Variants in SERPINE3 observed in about 807,000 individuals in gnomAD.
The protein encoded by SERPINE3 is serpin E3.
In SERPINE3, 43 loss-of-function variants were observed where a neutral mutation model predicts 41.7. That is an observed-to-expected ratio of 1.03 (90% CI 0.81 to 1.33). SERPINE3 has a LOEUF of 1.33. SERPINE3 is among the 40% of genes most tolerant of loss of function. The pLI is 0.00. For synonymous variants in SERPINE3, 200 were observed against 192.2 expected, an observed-to-expected ratio of 1.04 and a Z score of -0.34; for missense variants, 440 against 491.7, an observed-to-expected ratio of 0.89 and a Z score of 0.99.
intron 9 of SERPINE3, chr13:51,362,527 T>C (rs1955602277): frequency 6.6e-6 from 1 of 152,610 alleles, no homozygotes; most frequent in Admixed American, 6.6e-5. Context: ...CTTAATGTTC[T>C]TCCTCCCCCA....
chr13:51,353,550 A>G (rs1441066112), intron 6 of SERPINE3, among the ~76,000 whole-genome samples: 1 of 152,238 alleles, frequency 6.6e-6, no homozygotes, highest in African/African-American at 2.4e-5. Flanking sequence ...TCCCAAGTCC[A>G]TGCTCATAAC....
chr13:51,363,218 C>T (rs966823531), intron 9 of SERPINE3: 2 of 151,920 alleles, frequency 1.3e-5, no homozygotes, highest in Non-Finnish European at 2.9e-5. Flanking sequence ...GGAAAAGACA[C>T]ACCACTATTT....
At chr13:51,340,992 G>C in intron 2 of SERPINE3, 83 bp from the exon 3 acceptor site, 1 of 1,386,894 alleles carries the variant, frequency 7.2e-7, no homozygotes, top group Non-Finnish European at 9.9e-7. Flanking sequence ...AACAGAGCTG[G>C]GGGTCCCAGT....
intron 6 of SERPINE3, among the ~76,000 whole-genome samples, chr13:51,352,434 G>A (rs1955413865): frequency 6.6e-6 from 1 of 151,134 alleles, no homozygotes; most frequent in Non-Finnish European, 1.5e-5. Flanking sequence ...AATCTTGTAT[G>A]CTGTACCTTA....
chr13:51,352,482 T>C (rs1163873896), intron 6 of SERPINE3, among the ~76,000 whole-genome samples: 1 of 151,934 alleles, frequency 6.6e-6, no homozygotes, highest in Non-Finnish European at 1.5e-5. Flanking sequence ...TTTTTTTTTG[T>C]GTGTGTGGAT....
chr13:51,343,191 G>A (rs1955311257), intron 3 of SERPINE3, among the ~76,000 whole-genome samples: 1 of 152,168 alleles, frequency 6.6e-6, no homozygotes, highest in Non-Finnish European at 1.5e-5. Context: ...AAAACCAGCC[G>A]GAGCCAGGTA....
chr13:51,361,731 TTAAC>T lies in SERPINE3; in HGVS notation c.1088-77_1088-74del, dbSNP rs1431711627. 6 of 1,281,912 alleles carry T rather than the reference TTAAC, an allele frequency of 4.7e-6. No individual in the cohort carries two copies. In the East Asian group the frequency reaches 1.2e-4, roughly 26 times the overall value. 79.4% of individuals were successfully genotyped at this position (1,281,912 alleles called of 1,614,324 possible). ...TAGGATGCTTTGATTTCTTAAAAAA[TTAAC>T]TTACTTCATAACCAATAGTTATTTT... On this transcript the variant is annotated intron_variant, in intron 8 of 9. Coordinates refer to ENST00000681248, the MANE Select transcript of SERPINE3 (RefSeq NM_001386375.1).
At chr13:51,351,065 C>T (rs1416972154) in intron 6 of SERPINE3, among the ~76,000 whole-genome samples, 1 of 152,028 alleles carries the variant, frequency 6.6e-6, no homozygotes, top group African/African-American at 2.4e-5. Flanking sequence ...ATTTGAGTGC[C>T]TAGACACATT....
chr13:51,341,001 G>A, intron 2 of SERPINE3, 74 bp from the exon 3 acceptor site: 1 of 1,458,408 alleles, frequency 6.9e-7, no homozygotes, highest in Non-Finnish European at 9.4e-7. Flanking sequence ...GGGGGTCCCA[G>A]TCCTCTGTGG....
intron 7 of SERPINE3, among the ~76,000 whole-genome samples, chr13:51,356,399 CTA>C (rs1256619491): frequency 6.6e-5 from 10 of 152,234 alleles, no homozygotes; most frequent in African/African-American, 1.2e-4. Flanking sequence ...TAAGAGAATT[CTA>C]TGTTTGATAA....
chr13:51,356,333 A>G (rs565706082), intron 7 of SERPINE3, among the ~76,000 whole-genome samples: 1 of 152,170 alleles, frequency 6.6e-6, no homozygotes, highest in Non-Finnish European at 1.5e-5. Flanking sequence ...CAAGCAAAGG[A>G]GGAATACTGA....
At chr13:51,343,784 A>G (rs1955317578) in intron 3 of SERPINE3, among the ~76,000 whole-genome samples, 1 of 152,206 alleles carries the variant, frequency 6.6e-6, no homozygotes, top group African/African-American at 2.4e-5. Context: ...CGTACAAGAC[A>G]TATTGACAGC....
intron 1 of SERPINE3, among the ~76,000 whole-genome samples, chr13:51,340,115 G>C (rs1418312832): frequency 6.6e-6 from 1 of 152,220 alleles, no homozygotes; most frequent in Non-Finnish European, 1.5e-5. Context: ...GAGTTGGAGA[G>C]AGTGAGTGTG....
At chr13:51,364,166 T>A in intron 9 of SERPINE3, 73 bp from the exon 10 acceptor site, 1 of 695,960 alleles carries the variant, frequency 1.4e-6, no homozygotes, top group Non-Finnish European at 2.3e-6. Context: ...AGTATTTGTA[T>A]AGAAGTAAAC....
At chr13:51,352,671 AG>A (rs1955417631) in intron 6 of SERPINE3, among the ~76,000 whole-genome samples, 1 of 152,022 alleles carries the variant, frequency 6.6e-6, no homozygotes, top group South Asian at 2.1e-4. Context: ...TCCTGATCTT[AG>A]GGGGAAAGTT....
At chr13:51,345,487 G>C (rs922845212) in intron 4 of SERPINE3, among the ~76,000 whole-genome samples, 2 of 151,330 alleles carry the variant, frequency 1.3e-5, no homozygotes, top group African/African-American at 4.9e-5. Context: ...CCAGCTACTC[G>C]GGGAGGCTGA....
chr13:51,340,823 A>G lies in SERPINE3; in HGVS notation c.-56A>G. ...CACACATCCAGTAAGTGGCCGAAGC[A>G]GATCTTCAGACCCACAGTTTGGCTG... On this transcript the variant is annotated 5_prime_UTR_variant, in exon 2 of 10. Coordinates refer to ENST00000681248, the MANE Select transcript of SERPINE3 (RefSeq NM_001386375.1). 1.8e-6 allele frequency: 1 copy of G among 542,590 alleles called. No individual in the cohort carries two copies. 33.6% of individuals were successfully genotyped at this position (542,590 alleles called of 1,614,324 possible). A position where few individuals can be genotyped will look rare whatever the true frequency, so the allele number is the denominator to read the frequency against.
intron 6 of SERPINE3, among the ~76,000 whole-genome samples, chr13:51,353,822 C>G (rs1955437243): frequency 6.6e-6 from 1 of 152,284 alleles, no homozygotes; most frequent in African/African-American, 2.4e-5. Context: ...TTTTTACTCT[C>G]CTGCAAGTTC....
intron 7 of SERPINE3, among the ~76,000 whole-genome samples, chr13:51,355,728 TA>T (rs1378881215): frequency 6.6e-6 from 1 of 152,188 alleles, no homozygotes; most frequent in Non-Finnish European, 1.5e-5. Context: ...GCTGTTTGCT[TA>T]TGGTATTATA....
Sources: allele counts gnomAD v4.1 joint callset (sites outside exome capture counted in the v4.1 genomes callset), GRCh38; gene constraint gnomAD v4.1.1; transcripts MANE v1.5; gene names NCBI Gene and HGNC (gene_info 2026-07-23, HGNC 2026-07-21).